The following ATXN1 variants were observed in gnomAD, a reference collection of about 807,000 sequenced individuals.
ATXN1 encodes the protein ataxin-1.
A neutral mutation model predicts 56.4 loss-of-function variants in ATXN1; 8 were observed. The ratio of observed to expected loss-of-function variants is 0.14; its 90% CI spans 0.08 to 0.26. The LOEUF is 0.26. ATXN1 is among the 10% of genes least tolerant of loss of function. ATXN1 has a pLI of 1.00. For synonymous variants in ATXN1, 514 were observed against 494.6 expected (o/e 1.04, Z -0.52); for missense variants, 987 against 1,106.5 (o/e 0.89, Z 1.53).
chr6:16,523,421 G>C (rs1761332304), intron 4 of ATXN1, among the ~76,000 whole-genome samples: 1 of 152,178 alleles, frequency 6.6e-6, no homozygotes, highest in East Asian at 1.9e-4. Context: ...TGCCATCATA[G>C]CTCACTGCAG....
At chr6:16,531,587 C>T (rs1187816174) in intron 4 of ATXN1, among the ~76,000 whole-genome samples, 1 of 149,942 alleles carries the variant, frequency 6.7e-6, no homozygotes, top group South Asian at 2.1e-4. Flanking sequence ...CATGCCATTG[C>T]ACTCCAGCCT....
At chr6:16,688,685 T>C (rs1299579487) in intron 2 of ATXN1, among the ~76,000 whole-genome samples, 1 of 152,210 alleles carries the variant, frequency 6.6e-6, no homozygotes, top group African/African-American at 2.4e-5. Context: ...GTATGTCCCC[T>C]TTCCAGAAAA....
intron 6 of ATXN1, among the ~76,000 whole-genome samples, chr6:16,337,017 TG>T (rs1463177977): frequency 6.6e-6 from 1 of 152,140 alleles, no homozygotes; most frequent in Non-Finnish European, 1.5e-5. Flanking sequence ...AGTGGGGAGT[TG>T]TTCTTTGATT....
intron 2 of ATXN1, among the ~76,000 whole-genome samples, chr6:16,680,782 A>C (rs1758797108): frequency 1.3e-5 from 2 of 152,252 alleles, no homozygotes; most frequent in South Asian, 4.1e-4. Context: ...GAACATGCCA[A>C]AAGATCGAAA....
intron 3 of ATXN1, among the ~76,000 whole-genome samples, chr6:16,589,000 C>G (rs1158243790): frequency 6.6e-6 from 1 of 152,098 alleles, no homozygotes; most frequent in Non-Finnish European, 1.5e-5. Context: ...ACCCTCAGCA[C>G]CTCCAAGTCC....
intron 6 of ATXN1, among the ~76,000 whole-genome samples, chr6:16,448,952 GC>G (rs1173589462): frequency 2.0e-5 from 3 of 152,216 alleles, no homozygotes; most frequent in African/African-American, 7.2e-5. Flanking sequence ...AAAGGGGATA[GC>G]AAGAGTTCTT....
intron 3 of ATXN1, among the ~76,000 whole-genome samples, chr6:16,623,339 T>C (rs139515536): frequency 1.3e-5 from 2 of 151,934 alleles, no homozygotes; most frequent in African/African-American, 4.8e-5. Context: ...TACATAAACA[T>C]GAAATGCCAT....
chr6:16,373,290 G>A (rs576177449), intron 6 of ATXN1, among the ~76,000 whole-genome samples: 31 of 152,152 alleles, frequency 2.0e-4, no homozygotes, highest in Admixed American at 1.2e-3. Context: ...TTCTTGTTTG[G>A]GTCTTAGTTT....
intron 5 of ATXN1, among the ~76,000 whole-genome samples, chr6:16,518,789 C>G (rs1442291641): frequency 6.6e-6 from 1 of 151,968 alleles, no homozygotes; most frequent in East Asian, 1.9e-4. Flanking sequence ...AGTCTGATCC[C>G]AAAGACAAAT....
intron 5 of ATXN1, among the ~76,000 whole-genome samples, chr6:16,486,534 G>C (rs1284269318): frequency 6.6e-6 from 1 of 152,132 alleles, no homozygotes; most frequent in African/African-American, 2.4e-5. Flanking sequence ...TTAATGCAAA[G>C]CGTTGTTGGT....
At chr6:16,345,607 A>G (rs1416404697) in intron 6 of ATXN1, among the ~76,000 whole-genome samples, 2 of 152,210 alleles carry the variant, frequency 1.3e-5, no homozygotes, top group African/African-American at 4.8e-5. Context: ...TCTGACCCTC[A>G]AAAGATGAAT....
At chr6:16,675,870 C>T (rs1366988485) in intron 2 of ATXN1, among the ~76,000 whole-genome samples, 10 of 151,894 alleles carry the variant, frequency 6.6e-5, no homozygotes, top group African/African-American at 2.2e-4. Context: ...GCCTGGGTGA[C>T]GGAGTGAGAC....
intron 3 of ATXN1, among the ~76,000 whole-genome samples, chr6:16,644,755 C>T (rs866760728): frequency 2.0e-5 from 3 of 151,980 alleles, no homozygotes; most frequent in South Asian, 2.1e-4. Flanking sequence ...ATGATACTGA[C>T]GTGGCCACTC....
In ATXN1 at chr6:16,661,432, T is replaced by C. The variant is rs79545411; in HGVS notation, c.-614-3531A>G. Among the ~76,000 whole-genome samples, 1,446 of 152,330 alleles carry C rather than the reference T, an allele frequency of 9.5e-3. 22 individuals are homozygous for C. The highest frequency in any genetic ancestry group is 0.033 in the African/African-American group (1,354 of 41,566). ...TTTTTAATGCAGTAGTATCATGATC[T>C]GCCTTACATTTTAAGGGCTCATTTG... On this transcript the variant is annotated intron_variant, in intron 2 of 7. Transcript: ENST00000436367.
intron 7 of ATXN1, among the ~76,000 whole-genome samples, chr6:16,312,620 G>A (rs1422084451): frequency 1.3e-5 from 2 of 152,220 alleles, no homozygotes; most frequent in Non-Finnish European, 2.9e-5. Flanking sequence ...GGAGGCCGAG[G>A]CGGGCGGATC....
intron 6 of ATXN1, among the ~76,000 whole-genome samples, chr6:16,348,206 G>C (rs1053714908): frequency 6.6e-6 from 1 of 152,196 alleles, no homozygotes; most frequent in African/African-American, 2.4e-5. Flanking sequence ...TGGGATTACA[G>C]ACTTGTGCCG....
At chr6:16,434,013 A>G (rs9464906) in intron 6 of ATXN1, among the ~76,000 whole-genome samples, 47,151 of 152,162 alleles carry the variant, frequency 0.31, 8,134 homozygotes, top group Middle Eastern at 0.48. Context: ...ATCAGACTGA[A>G]ACAAGTAAAA....
chr6:16,527,188 T>G (rs1308418476), intron 4 of ATXN1, among the ~76,000 whole-genome samples: 1 of 152,166 alleles, frequency 6.6e-6, no homozygotes, highest in African/African-American at 2.4e-5. Context: ...TGACACATCC[T>G]TGCCCTCAAT....
In ATXN1 at chr6:16,601,621, C is replaced by A. The variant is rs922551158; in HGVS notation, c.-488-15714G>T. On this transcript the variant is annotated intron_variant, in intron 3 of 7. Transcript: ENST00000436367. ...ATCCCAGCACTTAGTGAGGCCGAGG[C>A]GGGCGGACCATGAGGTCAGGAGATC... 2.6e-5 allele frequency among the ~76,000 whole-genome samples: 4 copies of A among 152,246 alleles called. 1 individual carries two copies. In the South Asian group the frequency reaches 6.2e-4, roughly 24 times the overall value.
Sources: allele counts gnomAD v4.1 joint callset (sites outside exome capture counted in the v4.1 genomes callset), GRCh38; gene constraint gnomAD v4.1.1; transcripts MANE v1.5; gene names NCBI Gene and HGNC (gene_info 2026-07-23, HGNC 2026-07-21).